Variants in PPP6R2 observed in about 807,000 individuals in gnomAD.
The protein encoded by PPP6R2 is protein phosphatase 6 regulatory subunit 2, also known as serine/threonine-protein phosphatase 6 regulatory subunit 2.
In PPP6R2, 62 loss-of-function variants were observed where a neutral mutation model predicts 100.2. The observed-to-expected ratio is 0.62, with a 90% CI of 0.50 to 0.76. The LOEUF (loss-of-function observed/expected upper bound fraction) is 0.76, where lower values mean the gene tolerates loss of function less well. PPP6R2 is among the 30% of genes least tolerant of loss of function. The probability of loss-of-function intolerance (pLI) is 0.00; values close to 1 mark genes in which losing one functional copy is unlikely to be tolerated. For synonymous variants in PPP6R2, 525 were observed against 514.7 expected, an observed-to-expected ratio of 1.02 and a Z score of -0.27; for missense variants, 1,142 against 1,276.3, an observed-to-expected ratio of 0.89 and a Z score of 1.60.
chr22:50,444,823 A>AAAAC lies in PPP6R2; in HGVS notation c.*578_*581dup, dbSNP rs1386945463. 1 of 155,484 alleles carries AAAAC rather than the reference A, an allele frequency of 6.4e-6. No homozygotes were observed. Among genetic ancestry groups the AAAAC allele is most frequent in the African/African-American group, 2.4e-5 (1 of 41,418 alleles). The allele number at this position is 155,484 out of a possible 1,614,324, so 9.6% of individuals were successfully genotyped here. A position where few individuals can be genotyped will look rare whatever the true frequency, so the allele number is the denominator to read the frequency against. ...CAGGCTGCAAGATTTGACTGCCTTA[A>AAAAC]AAACACAAGGCCCTCTAGGCCTGGC... On this transcript the variant is annotated 3_prime_UTR_variant, in exon 24 of 24. Transcript: ENST00000612753.
intron 13 of PPP6R2, 91 bp downstream of exon 13, chr22:50,435,172 A>G (rs2063957810): frequency 1.9e-6 from 2 of 1,078,706 alleles, no homozygotes; most frequent in Non-Finnish European, 2.6e-6. Context: ...GCCCGGCAGC[A>G]GGTGCTGACT....
chr22:50,340,061 G>GTA (rs2042354939), upstream of PPP6R2, among the ~76,000 whole-genome samples: 1 of 142,680 alleles, frequency 7.0e-6, no homozygotes, highest in Admixed American at 7.1e-5. Context: ...TGTGGTGTGT[G>GTA]GTGTGTGATG....
intron 8 of PPP6R2, among the ~76,000 whole-genome samples, chr22:50,420,973 A>G (rs2061255181): frequency 6.6e-6 from 1 of 152,244 alleles, no homozygotes; most frequent in African/African-American, 2.4e-5. Context: ...GGAGAACATA[A>G]TTCAGCCCCC....
At chr22:50,364,887 G>A (rs1282238659) in intron 1 of PPP6R2, among the ~76,000 whole-genome samples, 3 of 152,022 alleles carry the variant, frequency 2.0e-5, no homozygotes, top group Non-Finnish European at 2.9e-5. Flanking sequence ...GAAGTACGGT[G>A]TATTCTTTAT....
At chr22:50,353,740 A>G (rs567199265) in intron 1 of PPP6R2, among the ~76,000 whole-genome samples, 14 of 151,928 alleles carry the variant, frequency 9.2e-5, no homozygotes, top group African/African-American at 3.1e-4. Context: ...TTCACAGATG[A>G]GGAAATGGAA....
At chr22:50,394,913 C>CAAAAA (rs57028687) in intron 3 of PPP6R2, among the ~76,000 whole-genome samples, 128 of 75,898 alleles carry the variant, frequency 1.7e-3, no homozygotes, top group East Asian at 2.2e-3. Flanking sequence ...GACTCTGTCT[C>CAAAAA]AAAAAAAAAA....
Position 50,437,007 on chromosome 22 carries a change from A to C in PPP6R2, c.1622A>C (p.His541Pro). 1 of 1,559,152 alleles carries C rather than the reference A, an allele frequency of 6.4e-7. No individual in the cohort carries two copies. The highest frequency in any genetic ancestry group is 8.7e-7 in the Non-Finnish European group (1 of 1,151,840). Residue 541 changes from histidine to proline, a missense_variant, in exon 15 of 24, where the codon CAC becomes CCC. By Grantham distance (77) the His-to-Pro change is moderately conservative. Transcript: ENST00000612753. Reference protein sequence around the residue: ...TVDLVSTHHLHSSSEDEDIEG... With the variant: ...TVDLVSTHHLPSSSEDEDIEG... ...TTTTAGGTGAGCACTCACCACCTTC[A>C]CTCCTCAAGTGAGGACGAGGACATT...
chr22:50,439,580 T>G (rs1603419065), intron 19 of PPP6R2, 121 bp from the exon 20 acceptor site: 1 of 1,153,672 alleles, frequency 8.7e-7, no homozygotes, highest in South Asian at 1.6e-5. Flanking sequence ...GCCTCCCTCC[T>G]GGAGCAGCCC....
intron 1 of PPP6R2, among the ~76,000 whole-genome samples, chr22:50,365,357 C>T (rs1039635134): frequency 3.3e-5 from 5 of 151,878 alleles, no homozygotes; most frequent in African/African-American, 7.2e-5. Context: ...AGGTATGAGC[C>T]GCCGTGCCTG....
intron 5 of PPP6R2, among the ~76,000 whole-genome samples, chr22:50,414,992 C>T (rs533946864): frequency 7.2e-4 from 109 of 152,364 alleles, no homozygotes; most frequent in African/African-American, 2.4e-3. Context: ...CCCCTGCCAG[C>T]GCCCACCCCT....
chr22:50,374,243 A>G (rs1199991648), intron 2 of PPP6R2, among the ~76,000 whole-genome samples: 1 of 152,108 alleles, frequency 6.6e-6, no homozygotes, highest in Non-Finnish European at 1.5e-5. Context: ...AGCTGGGCGG[A>G]TGGATGGCTT....
At chr22:50,356,230 C>T (rs1254434541) in intron 1 of PPP6R2, among the ~76,000 whole-genome samples, 1 of 151,944 alleles carries the variant, frequency 6.6e-6, no homozygotes, top group African/African-American at 2.4e-5. Flanking sequence ...TCCCAAAATG[C>T]TGGGATTACA....
intron 1 of PPP6R2, among the ~76,000 whole-genome samples, chr22:50,362,290 A>G (rs547330650): frequency 6.6e-6 from 1 of 152,314 alleles, no homozygotes. Context: ...CCTATGTAAC[A>G]GCCAGGAGGA....
At chr22:50,410,358 C>A (rs981004562) in intron 4 of PPP6R2, among the ~76,000 whole-genome samples, 3 of 152,048 alleles carry the variant, frequency 2.0e-5, no homozygotes, top group Non-Finnish European at 4.4e-5. Flanking sequence ...GTAGCTCAGG[C>A]TACTTTGATT....
At chr22:50,414,509 T>C (rs1372347198) in intron 4 of PPP6R2, 43 bp from the exon 5 acceptor site, 3 of 1,603,916 alleles carry the variant, frequency 1.9e-6, no homozygotes, top group Non-Finnish European at 1.7e-6. Flanking sequence ...CTCAGGGTTG[T>C]CAGGGTCGGC....
At chr22:50,360,521 C>A (rs1431719848) in intron 1 of PPP6R2, among the ~76,000 whole-genome samples, 1 of 151,978 alleles carries the variant, frequency 6.6e-6, no homozygotes, top group Non-Finnish European at 1.5e-5. Context: ...TGCCACCACA[C>A]CTGGCTAATT....
At chr22:50,390,275 A>G (rs946784774) in intron 2 of PPP6R2, among the ~76,000 whole-genome samples, 7 of 152,104 alleles carry the variant, frequency 4.6e-5, no homozygotes, top group African/African-American at 1.2e-4. Flanking sequence ...TACAGGCGGG[A>G]GCCACCGCGC....
At chr22:50,420,841 T>G (rs972335934) in intron 8 of PPP6R2, among the ~76,000 whole-genome samples, 4 of 152,196 alleles carry the variant, frequency 2.6e-5, no homozygotes, top group African/African-American at 9.6e-5. Flanking sequence ...GGATTCAGGT[T>G]CCCCACATGC....
At chr22:50,427,722 GT>G (rs1192896718) in intron 10 of PPP6R2, among the ~76,000 whole-genome samples, 2 of 138,704 alleles carry the variant, frequency 1.4e-5, no homozygotes, top group Non-Finnish European at 3.2e-5. Flanking sequence ...AATAATTTTT[GT>G]TTTGTTTTGT....
Sources: gnomAD v4.1 joint callset for allele counts (sites outside exome capture counted in the v4.1 genomes callset) on GRCh38, gnomAD v4.1.1 for gene constraint, MANE v1.5 for transcripts, NCBI Gene and HGNC (gene_info 2026-07-23, HGNC 2026-07-21) for gene names.